PTPA: variants seen among roughly 807,000 people sequenced by gnomAD.
PTPA encodes serine/threonine-protein phosphatase 2A activator.
PTPA carries 13 observed loss-of-function variants against 43.6 expected under a neutral mutation model. The ratio of observed to expected loss-of-function variants is 0.30; its 90% CI spans 0.19 to 0.47. PTPA has a LOEUF of 0.47. Ranked by LOEUF, PTPA falls within the 20% of genes least tolerant of loss-of-function variation. The pLI is 0.99. For synonymous variants in PTPA, 172 were observed against 158.2 expected, an observed-to-expected ratio of 1.09 and a Z score of -0.66; for missense variants, 329 against 411.9, an observed-to-expected ratio of 0.80 and a Z score of 1.74.
At chr9:129,130,530 A>G (rs1849889977) in intron 4 of PTPA, among the ~76,000 whole-genome samples, 1 of 151,314 alleles carries the variant, frequency 6.6e-6, no homozygotes, top group Admixed American at 6.6e-5. Context: ...AGTTGCTGGG[A>G]CTACAGCATG....
At chr9:129,141,462 C>T (rs917794412) in intron 8 of PTPA, among the ~76,000 whole-genome samples, 1 of 152,280 alleles carries the variant, frequency 6.6e-6, no homozygotes, top group East Asian at 1.9e-4. Flanking sequence ...GAGCCCTGTT[C>T]CCCTGTAAAT....
At chr9:129,117,851 C>G (rs898948036) in intron 1 of PTPA, among the ~76,000 whole-genome samples, 3 of 151,958 alleles carry the variant, frequency 2.0e-5, no homozygotes. Flanking sequence ...TGTGTGCCGT[C>G]ATGTCAGGCT....
At chr9:129,128,142 A>C (rs2131579766) in intron 3 of PTPA, 437 of 984,180 alleles carry the variant, frequency 4.4e-4, no homozygotes, top group Non-Finnish European at 5.8e-4. Flanking sequence ...TCAAGGTCTC[A>C]CAGCAGCTAA....
intron 9 of PTPA, among the ~76,000 whole-genome samples, chr9:129,143,833 T>C (rs1851086918): frequency 6.6e-6 from 1 of 151,928 alleles, no homozygotes; most frequent in Non-Finnish European, 1.5e-5. Context: ...GTCACTGCCC[T>C]CTGGTGTCCT....
chr9:129,133,182 C>T (rs774403969), intron 5 of PTPA, among the ~76,000 whole-genome samples: 3 of 152,236 alleles, frequency 2.0e-5, no homozygotes, highest in African/African-American at 7.2e-5. Context: ...CGCCTTCCTT[C>T]CCTGAGGCAG....
intron 3 of PTPA, 80 bp from the exon 4 acceptor site, chr9:129,128,905 T>C: frequency 6.4e-7 from 1 of 1,568,022 alleles, no homozygotes; most frequent in Non-Finnish European, 8.7e-7. Flanking sequence ...GGTCATTGTC[T>C]GGCAGCAGTG....
chr9:129,128,858 G>A, intron 3 of PTPA, 127 bp from the exon 4 acceptor site: 2 of 1,133,484 alleles, frequency 1.8e-6, no homozygotes, highest in Non-Finnish European at 2.5e-6. Flanking sequence ...GAAGAAAGAG[G>A]GATGGGGGAG....
Position 129,131,517 on chromosome 9 carries a change from A to G in PTPA, c.343-5A>G, listed in dbSNP as rs1353474960. ...GCCACCACTTTGTGTCTCTTGTGTT[A>G]CCAGGAAGCAGAAAACTTGGTGGCC... On this transcript the variant is annotated splice_polypyrimidine_tract_variant and splice_region_variant and intron_variant, in intron 4 of 9. Transcript: ENST00000393370. 13 of 1,612,946 alleles carry G rather than the reference A, an allele frequency of 8.1e-6. No homozygotes were observed. Among genetic ancestry groups the G allele is most frequent in the African/African-American group, 1.3e-5 (1 of 75,018 alleles).
In PTPA at chr9:129,147,552, C is replaced by T. The variant is rs1053304776; in HGVS notation, c.*88C>T. On this transcript the variant is annotated 3_prime_UTR_variant, in exon 10 of 10. Transcript: ENST00000393370. ...AGTGGCCCCTCCCCATCCCCTCCCT[C>T]TGTTCGTCCCGTTTGATGAGAGGCT... The T allele has an allele frequency of 7.6e-5, 104 of 1,364,786 alleles. No homozygotes were observed. The highest frequency in any genetic ancestry group is 4.9e-4 in the Middle Eastern group (2 of 4,110). 84.5% of individuals were successfully genotyped at this position (1,364,786 alleles called of 1,614,324 possible). A position where few individuals can be genotyped will look rare whatever the true frequency, so the allele number is the denominator to read the frequency against.
chr9:129,136,009 C>A (rs946443366), intron 6 of PTPA, among the ~76,000 whole-genome samples: 5 of 152,152 alleles, frequency 3.3e-5, no homozygotes, highest in African/African-American at 1.2e-4. Context: ...GCTCTGTCGC[C>A]CAGGCTGGAG....
intron 4 of PTPA, among the ~76,000 whole-genome samples, chr9:129,129,925 T>G (rs1392111648): frequency 6.6e-6 from 1 of 151,956 alleles, no homozygotes; most frequent in Non-Finnish European, 1.5e-5. Context: ...TAAGAAATGG[T>G]GGTGCACACC....
At chr9:129,111,148 G>A (rs1006573443), upstream of PTPA, 9 of 1,259,482 alleles carry the variant, frequency 7.1e-6, no homozygotes, top group Admixed American at 8.1e-5. Context: ...TTGGGTTAGG[G>A]TCAGTACCAC....
chr9:129,123,013 A>G (rs765383011), intron 2 of PTPA, 39 bp from the exon 3 acceptor site: 2 of 1,508,804 alleles, frequency 1.3e-6, no homozygotes, highest in Admixed American at 1.7e-5. Flanking sequence ...GGGGTCTGCC[A>G]CCCCTCTCCC....
At chr9:129,128,045 G>T in intron 3 of PTPA, 1 of 1,341,274 alleles carries the variant, frequency 7.5e-7, no homozygotes. Context: ...ATTACCCCGC[G>T]CCGGGCACTG....
chr9:129,113,043 A>G (rs1197174769), intron 1 of PTPA, among the ~76,000 whole-genome samples: 2 of 146,150 alleles, frequency 1.4e-5, no homozygotes, highest in Non-Finnish European at 3.0e-5. Flanking sequence ...AACACTAACG[A>G]TGGCTGATGA....
chr9:129,112,775 C>T (rs1249247052), intron 1 of PTPA, among the ~76,000 whole-genome samples: 1 of 152,132 alleles, frequency 6.6e-6, no homozygotes, highest in Non-Finnish European at 1.5e-5. Context: ...AACTCCGTCT[C>T]TTCTAAAAAT....
intron 1 of PTPA, among the ~76,000 whole-genome samples, chr9:129,116,371 A>G (rs1273289269): frequency 7.5e-6 from 1 of 133,224 alleles, no homozygotes; most frequent in African/African-American, 2.9e-5. Context: ...TATTTTTAGT[A>G]GAGACAGGGT....
At chr9:129,143,420 G>A (rs1312754114) in intron 9 of PTPA, 2 of 702,968 alleles carry the variant, frequency 2.8e-6, no homozygotes, top group Admixed American at 4.0e-5. Flanking sequence ...TGTACTGTGG[G>A]CACCATCTCT....
chr9:129,140,365 C>T (rs1564200262), intron 8 of PTPA, among the ~76,000 whole-genome samples: 1 of 152,172 alleles, frequency 6.6e-6, no homozygotes, highest in Non-Finnish European at 1.5e-5. Context: ...CTGTAACCTC[C>T]CTGAAGGACT....
Sources: gnomAD v4.1 joint callset for allele counts (sites outside exome capture counted in the v4.1 genomes callset) on GRCh38, gnomAD v4.1.1 for gene constraint, MANE v1.5 for transcripts, NCBI Gene and HGNC (gene_info 2026-07-23, HGNC 2026-07-21) for gene names.